The following MLLT10 variants were observed in gnomAD, a reference collection of about 807,000 sequenced individuals.
MLLT10 encodes the protein protein AF-10.
MLLT10 carries 30 observed loss-of-function variants against 129.1 expected under a neutral mutation model. That is an observed-to-expected ratio of 0.23 (90% CI 0.17 to 0.32). The LOEUF is 0.32. Ranked by LOEUF, MLLT10 falls within the 10% of genes least tolerant of loss-of-function variation. The probability of loss-of-function intolerance (pLI) is 1.00; values close to 1 mark genes in which losing one functional copy is unlikely to be tolerated. For missense variants in MLLT10, 1,119 were observed against 1,268.3 expected, an observed-to-expected ratio of 0.88 and a Z score of 1.79; for synonymous variants, 490 against 446.4, an observed-to-expected ratio of 1.10 and a Z score of -1.23.
Position 21,673,340 on chromosome 10 carries a change from T to TTTAA in MLLT10, c.1052-10_1052-9insTTAA. The TTTAA allele has an allele frequency of 1.6e-6, 1 of 617,522 alleles. No individual in the cohort carries two copies. The highest frequency in any genetic ancestry group is 2.2e-6 in the Non-Finnish European group (1 of 445,696). 38.3% of individuals were successfully genotyped at this position (617,522 alleles called of 1,614,324 possible). Reference sequence around the variant, plus strand: ...CAACTTTTTTTTTTTTTTTTTTTTTTAAACTACAGGCAGTTTTTCAGGAAC... The same window carrying TTTAA: ...CAACTTTTTTTTTTTTTTTTTTTTTTTTAAAAACTACAGGCAGTTTTTCAGGAAC... On this transcript the variant is annotated splice_polypyrimidine_tract_variant and intron_variant, in intron 10 of 22. Coordinates refer to ENST00000307729, the MANE Select transcript of MLLT10 (RefSeq NM_001195626.3).
chr10:21,557,057 A>T, intron 3 of MLLT10: 1 of 1,414,596 alleles, frequency 7.1e-7, no homozygotes, highest in Middle Eastern at 2.6e-4. Flanking sequence ...ATTTTTTCCC[A>T]CTCAACTCAC....
At chr10:21,544,697 G>A (rs185267797) in intron 3 of MLLT10, among the ~76,000 whole-genome samples, 2 of 152,138 alleles carry the variant, frequency 1.3e-5, no homozygotes, top group East Asian at 3.9e-4. Flanking sequence ...TAAAGGGAAG[G>A]GAATAATCAA....
At chr10:21,599,705 C>T (rs925012838) in intron 5 of MLLT10, among the ~76,000 whole-genome samples, 3 of 152,072 alleles carry the variant, frequency 2.0e-5, no homozygotes, top group Non-Finnish European at 4.4e-5. Flanking sequence ...TGTGGGACTA[C>T]AGGCACACCC....
chr10:21,688,430 C>T, intron 13 of MLLT10: 7 of 1,388,782 alleles, frequency 5.0e-6, no homozygotes, highest in Non-Finnish European at 7.1e-6. Context: ...ACTTGTCTGT[C>T]ATGGTGGTTT....
chr10:21,692,600 C>T (rs2053973401), intron 13 of MLLT10, among the ~76,000 whole-genome samples: 1 of 151,894 alleles, frequency 6.6e-6, no homozygotes, highest in South Asian at 2.1e-4. Context: ...CTGCCTCAGC[C>T]TCTTGAGTAG....
intron 4 of MLLT10, among the ~76,000 whole-genome samples, chr10:21,595,090 TA>T (rs2042919981): frequency 6.6e-6 from 1 of 152,222 alleles, no homozygotes; most frequent in Non-Finnish European, 1.5e-5. Context: ...TCTGAATTTA[TA>T]AATGTTTCCC....
rs1261221206 is a variant in MLLT10 at position 21,726,300 on chromosome 10, T to G, written c.1935T>G (p.Asn645Lys). The change falls in exon 15 of 23, where the codon AAT becomes AAG. Residue 645 changes from asparagine (N) to lysine (K), a missense_variant. Transcript: ENST00000307729. ...AGGCACCATCTCATATGTATGGCAA[T>G]AGATCAAATTCATCAATGGCAGCTC... ...LSQAPSHMYGNRSNSSMAALI... is the reference protein window; with the variant it reads ...LSQAPSHMYGKRSNSSMAALI... The G allele has an allele frequency of 1.2e-6, 2 of 1,613,448 alleles. No homozygotes were observed. Among genetic ancestry groups the G allele is most frequent in the Non-Finnish European group, 1.7e-6 (2 of 1,179,708 alleles).
chr10:21,557,247 A>G (rs577552662), intron 3 of MLLT10: 8 of 998,410 alleles, frequency 8.0e-6, no homozygotes, highest in Admixed American at 4.4e-5. Flanking sequence ...CTCAGTTATT[A>G]TAAGTAATAG....
intron 3 of MLLT10, among the ~76,000 whole-genome samples, chr10:21,586,091 C>G (rs1057514546): frequency 1.4e-4 from 22 of 152,108 alleles, no homozygotes; most frequent in Admixed American, 4.6e-4. Flanking sequence ...TTAAAATGTA[C>G]TTTAAAAAAA....
At chr10:21,589,361 C>CTTTTTTTTTTTT (rs2042289251) in intron 4 of MLLT10, among the ~76,000 whole-genome samples, 1 of 131,586 alleles carries the variant, frequency 7.6e-6, no homozygotes, top group African/African-American at 2.8e-5. Context: ...GGTTTTCATT[C>CTTTTTTTTTTTT]TGTTGTTCAG....
Position 21,570,876 on chromosome 10 carries a change from T to G in MLLT10, c.241-15418T>G, listed in dbSNP as rs185499034. Among the ~76,000 whole-genome samples the G allele has an allele frequency of 8.7e-4, 132 of 152,280 alleles. 1 individual carries two copies. The East Asian group carries it at 0.024, about 28-fold the overall frequency. ...ACTTCCTGCTTCTATGTAAGTCTTA[T>G]AAATTTTGATTGACTTTTTAGCCAC... On this transcript the variant is annotated intron_variant, in intron 3 of 22. Coordinates refer to ENST00000307729, the MANE Select transcript of MLLT10 (RefSeq NM_001195626.3).
intron 13 of MLLT10, among the ~76,000 whole-genome samples, chr10:21,689,601 TTATA>T (rs71393920): frequency 1.4e-3 from 187 of 130,494 alleles, no homozygotes; most frequent in South Asian, 3.6e-3. Flanking sequence ...CGTGTGTGTT[TTATA>T]TATATATATA....
chr10:21,722,897 A>G (rs1291318584), intron 14 of MLLT10, among the ~76,000 whole-genome samples: 1 of 152,214 alleles, frequency 6.6e-6, no homozygotes, highest in Non-Finnish European at 1.5e-5. Flanking sequence ...TCAGTTTCCC[A>G]GCAGAAATTA....
chr10:21,693,926 C>G (rs1259254051), intron 13 of MLLT10, among the ~76,000 whole-genome samples: 1 of 151,946 alleles, frequency 6.6e-6, no homozygotes, highest in African/African-American at 2.4e-5. Flanking sequence ...TTTTAGTGAA[C>G]ATGTTGTTTT....
rs534276235 is a variant in MLLT10, at chr10:21,673,385, T to C, written c.1087T>C (p.Ser363Pro). ...AGGAACTCCAGGCAGTGTAAAGTCA[T>C]CTTCTGGAAGTTCAGTGCAGTCTCC... is the stretch of plus-strand genomic sequence containing the variant. Reference protein sequence around the residue: ...FSGTPGSVKSSSGSSVQSPQD... With the variant: ...FSGTPGSVKSPSGSSVQSPQD... Residue 363 changes from serine to proline, a missense_variant, in exon 11 of 23, where the codon TCT (serine) becomes CCT (proline). Ser to Pro is a moderately conservative substitution (Grantham distance 74). Transcript: ENST00000307729. The C allele has an allele frequency of 6.8e-7, 1 of 1,463,976 alleles. No homozygotes were observed. Among genetic ancestry groups the C allele is most frequent in the South Asian group, 1.2e-5 (1 of 84,572 alleles). The allele number at this position is 1,463,976 out of a possible 1,614,324, so 90.7% of individuals were successfully genotyped here.
chr10:21,703,372 C>T (rs2055116317), intron 13 of MLLT10, among the ~76,000 whole-genome samples: 1 of 151,364 alleles, frequency 6.6e-6, no homozygotes, highest in South Asian at 2.1e-4. Flanking sequence ...ATCTGTTAGT[C>T]TGATGGGGGG....
chr10:21,673,244 C>T (rs2051670948), intron 10 of MLLT10, 106 bp from the exon 11 acceptor site: 1 of 676,240 alleles, frequency 1.5e-6, no homozygotes. Flanking sequence ...AAACTCTTCT[C>T]TTTAATGATT....
chr10:21,622,445 G>A (rs916826508), intron 8 of MLLT10, among the ~76,000 whole-genome samples: 42 of 151,832 alleles, frequency 2.8e-4, no homozygotes, highest in Admixed American at 1.5e-3. Context: ...GATTACAGGC[G>A]TTAGCCACCA....
At chr10:21,725,329 G>A (rs1255099563) in intron 14 of MLLT10, among the ~76,000 whole-genome samples, 1 of 152,214 alleles carries the variant, frequency 6.6e-6, no homozygotes, top group Non-Finnish European at 1.5e-5. Context: ...TGTCCACATG[G>A]TTGCTGTGCC....
Sources: allele counts gnomAD v4.1 joint callset (sites outside exome capture counted in the v4.1 genomes callset), GRCh38; gene constraint gnomAD v4.1.1; transcripts MANE v1.5; gene names NCBI Gene and HGNC (gene_info 2026-07-23, HGNC 2026-07-21).